TNN: variants seen among roughly 807,000 people sequenced by gnomAD.
TNN encodes tenascin N.
A neutral mutation model predicts 134.4 loss-of-function variants in TNN; 122 were observed. The observed-to-expected ratio is 0.91, with a 90% CI of 0.78 to 1.06. The LOEUF is 1.06. Ranked by LOEUF, TNN falls within the 50% of genes least tolerant of loss-of-function variation. The pLI, the probability that TNN is intolerant of heterozygous loss-of-function variation, is 0.00. For synonymous variants in TNN, 710 were observed against 670.3 expected, an observed-to-expected ratio of 1.06 and a Z score of -0.91; for missense variants, 1,739 against 1,699.4, an observed-to-expected ratio of 1.02 and a Z score of -0.41.
chr1:175,071,921 G>T (rs1358335369), intron 1 of TNN, among the ~76,000 whole-genome samples: 1 of 152,176 alleles, frequency 6.6e-6, no homozygotes, highest in Non-Finnish European at 1.5e-5. Flanking sequence ...ACTTTGGCAG[G>T]ACTGTGCTAT....
chr1:175,109,070 G>GTTTTTTTTTTTTTT (rs1338891175), intron 9 of TNN, among the ~76,000 whole-genome samples: 1 of 88,342 alleles, frequency 1.1e-5, no homozygotes, highest in Non-Finnish European at 2.1e-5. Context: ...CTATCTAACT[G>GTTTTTTTTTTTTTT]TATTTTTTTT....
At chr1:175,131,301 A>G (rs947807661) in intron 15 of TNN, among the ~76,000 whole-genome samples, 3 of 152,198 alleles carry the variant, frequency 2.0e-5, no homozygotes, top group African/African-American at 7.2e-5. Flanking sequence ...AATGCATTAG[A>G]GGCTCTTTCC....
At chr1:175,109,915 T>C (rs1221923101) in intron 9 of TNN, among the ~76,000 whole-genome samples, 1 of 152,096 alleles carries the variant, frequency 6.6e-6, no homozygotes, top group Admixed American at 6.5e-5. Flanking sequence ...TTTTTAGTTT[T>C]TTGAGGAAAC....
At chr1:175,126,178 T>C (rs1347995490) in intron 12 of TNN, among the ~76,000 whole-genome samples, 3 of 151,128 alleles carry the variant, frequency 2.0e-5, no homozygotes, top group African/African-American at 7.3e-5. Flanking sequence ...CTTGGCTTAC[T>C]GCAACCTCCG....
chr1:175,098,351 C>G lies in TNN; in HGVS notation c.1875C>G (p.Asn625Lys). 1 of 1,614,200 alleles carries G rather than the reference C, an allele frequency of 6.2e-7. No homozygotes were observed. Among genetic ancestry groups the G allele is most frequent in the South Asian group, 1.1e-5 (1 of 91,080 alleles). Residue 625 changes from asparagine (N) to lysine (K), a missense_variant, in exon 9 of 19, where the codon AAC becomes AAG. Transcript: ENST00000239462. ...TTCCAGATATTGACAGCCCCAAAAA[C>G]CTGGTGACTGACCGGGTGACAGAGA... ...NAPTDIDSPK[N>K]LVTDRVTENM...
chr1:175,071,444 G>A lies in TNN; in HGVS notation c.-36+3509G>A, dbSNP rs74350448. Reference sequence around the variant, plus strand: ...TATCTGTGCACTTTGGTGTTTCCTAGGAAGGGAATTCTCCAGCTTCTCATG... The same window carrying A: ...TATCTGTGCACTTTGGTGTTTCCTAAGAAGGGAATTCTCCAGCTTCTCATG... On this transcript the variant is annotated intron_variant, in intron 1 of 18. Transcript: ENST00000239462. Among the ~76,000 whole-genome samples, 3 of 152,146 alleles carry A rather than the reference G, an allele frequency of 2.0e-5. No individual in the cohort carries two copies. The East Asian group carries it at 5.8e-4, about 29-fold the overall frequency.
intron 6 of TNN, among the ~76,000 whole-genome samples, chr1:175,091,655 C>T (rs1055346427): frequency 6.6e-6 from 1 of 150,960 alleles, no homozygotes. Flanking sequence ...GGTGCATGAT[C>T]TCAGCTTACT....
chr1:175,068,061 T>A, intron 1 of TNN, 126 bp downstream of exon 1: 1 of 412,408 alleles, frequency 2.4e-6, no homozygotes, highest in Admixed American at 2.6e-5. Context: ...GTGTAATTAG[T>A]CTCCTATCAC....
At chr1:175,090,727 T>C (rs1674425596) in intron 6 of TNN, among the ~76,000 whole-genome samples, 4 of 152,214 alleles carry the variant, frequency 2.6e-5, no homozygotes, top group Non-Finnish European at 5.9e-5. Flanking sequence ...ACCTCCTCCA[T>C]ATACTGTGTT....
intron 6 of TNN, among the ~76,000 whole-genome samples, chr1:175,087,020 G>C (rs1013056847): frequency 3.3e-5 from 5 of 152,200 alleles, no homozygotes; most frequent in Non-Finnish European, 4.4e-5. Context: ...TTAAGCTCAA[G>C]ATTGCCCAGC....
chr1:175,119,180 G>A (rs947090293), intron 11 of TNN, among the ~76,000 whole-genome samples: 1 of 152,256 alleles, frequency 6.6e-6, no homozygotes, highest in Non-Finnish European at 1.5e-5. Context: ...GCCATGGGCA[G>A]AGCAGCCCTG....
intron 3 of TNN, among the ~76,000 whole-genome samples, 164 bp downstream of exon 3, chr1:175,079,871 T>C (rs979839669): frequency 2.6e-5 from 4 of 152,124 alleles, no homozygotes; most frequent in African/African-American, 7.2e-5. Context: ...GCCTAAGAAT[T>C]TGCATTTCTA....
chr1:175,119,838 C>A (rs906494414), intron 11 of TNN, among the ~76,000 whole-genome samples: 2 of 151,968 alleles, frequency 1.3e-5, no homozygotes, highest in Non-Finnish European at 2.9e-5. Context: ...CGGGGTTTCA[C>A]CGTGTTAGCC....
At chr1:175,135,411 A>G (rs549131302) in intron 15 of TNN, among the ~76,000 whole-genome samples, 1 of 152,186 alleles carries the variant, frequency 6.6e-6, no homozygotes, top group Non-Finnish European at 1.5e-5. Context: ...CAGGTGAATT[A>G]AAAAATAATT....
chr1:175,124,568 C>T (rs1242002038), intron 12 of TNN, among the ~76,000 whole-genome samples: 4 of 152,120 alleles, frequency 2.6e-5, no homozygotes, highest in Non-Finnish European at 4.4e-5. Flanking sequence ...GTAATCCCAG[C>T]TACTTGGGAG....
chr1:175,069,342 T>C (rs1343340233), intron 1 of TNN, among the ~76,000 whole-genome samples: 1 of 152,226 alleles, frequency 6.6e-6, no homozygotes, highest in East Asian at 1.9e-4. Flanking sequence ...GTATCATTTT[T>C]CCAGGAGAGA....
intron 14 of TNN, 77 bp from the exon 15 acceptor site, chr1:175,128,518 G>C: frequency 6.9e-7 from 1 of 1,455,422 alleles, no homozygotes; most frequent in Non-Finnish European, 9.2e-7. Flanking sequence ...AAAATAAATT[G>C]CCTTAAAATA....
At chr1:175,109,734 C>A (rs1674973299) in intron 9 of TNN, among the ~76,000 whole-genome samples, 1 of 149,338 alleles carries the variant, frequency 6.7e-6, no homozygotes, top group East Asian at 2.0e-4. Context: ...ATATATATAT[C>A]AAAATTTCCT....
chr1:175,136,626 C>T (rs1442256995), intron 16 of TNN, among the ~76,000 whole-genome samples, 195 bp from the exon 17 acceptor site: 1 of 152,176 alleles, frequency 6.6e-6, no homozygotes, highest in African/African-American at 2.4e-5. Context: ...CTGCTCCCTT[C>T]CATAGAATGT....
Sources: allele counts gnomAD v4.1 joint callset (sites outside exome capture counted in the v4.1 genomes callset), GRCh38; gene constraint gnomAD v4.1.1; transcripts MANE v1.5; gene names NCBI Gene and HGNC (gene_info 2026-07-23, HGNC 2026-07-21).